PSPH: variants seen among roughly 807,000 people sequenced by gnomAD.
The protein encoded by PSPH is phosphoserine phosphatase, also known as L-3-phosphoserine phosphatase.
A neutral mutation model predicts 23.4 loss-of-function variants in PSPH; 16 were observed. That is an observed-to-expected ratio of 0.68 (90% confidence interval 0.46 to 1.04). The LOEUF (loss-of-function observed/expected upper bound fraction) is 1.04, where lower values mean the gene tolerates loss of function less well. PSPH is among the 50% of genes least tolerant of loss of function. The pLI, the probability that PSPH is intolerant of heterozygous loss-of-function variation, is 0.00. For synonymous variants in PSPH, 68 were observed against 99.7 expected (o/e 0.68, Z 1.89); for missense variants, 223 against 273.7 (o/e 0.81, Z 1.31).
intron 2 of PSPH, 145 bp downstream of exon 2, chr7:56,033,816 G>C (rs1791360145): frequency 6.6e-6 from 1 of 152,162 alleles, no homozygotes; most frequent in Non-Finnish European, 1.5e-5. Context: ...ATAAATCAAT[G>C]AAAAGAAAGC....
intron 3 of PSPH, among the ~76,000 whole-genome samples, chr7:56,029,382 C>T (rs537445580): frequency 1.3e-5 from 2 of 151,626 alleles, no homozygotes; most frequent in South Asian, 2.1e-4. Context: ...TTCTCAGACA[C>T]AGCAGCTCCC....
In PSPH at chr7:56,020,885, A is replaced by G. The variant is rs183507275; in HGVS notation, c.140+188T>C. Among the ~76,000 whole-genome samples, 7 of 152,368 alleles carry G rather than the reference A, an allele frequency of 4.6e-5. No individual in the cohort carries two copies. In the East Asian group the frequency reaches 1.3e-3, roughly 29 times the overall value. On this transcript the variant is annotated intron_variant, in intron 4 of 7. Coordinates refer to ENST00000275605, the MANE Select transcript of PSPH (RefSeq NM_004577.4). ...GTCATTCCCCGATCAAGCTAAGAAC[A>G]TGTCTTATCCATGTTTGTTTGCCAT...
chr7:56,012,460 C>T (rs1286792901), intron 7 of PSPH, among the ~76,000 whole-genome samples: 7 of 152,170 alleles, frequency 4.6e-5, no homozygotes, highest in Middle Eastern at 3.4e-3. Context: ...GGATCACAGG[C>T]GTGAGCCACC....
chr7:56,026,063 A>G (rs544811367), intron 3 of PSPH, among the ~76,000 whole-genome samples: 136 of 152,210 alleles, frequency 8.9e-4, no homozygotes, highest in Middle Eastern at 6.8e-3. Flanking sequence ...AAATCAGTCA[A>G]TCACTCCAGT....
chr7:56,011,610 C>A lies in PSPH; in HGVS notation c.*152G>T. ...CAGTTAAAAAAAAAAAAAAAGCAAT[C>A]TTCTAGGATTCCTAACTGTAGTTTA... On this transcript the variant is annotated 3_prime_UTR_variant, in exon 8 of 8. Transcript: ENST00000275605. 9.0e-5 allele frequency: 44 copies of A among 487,754 alleles called. No individual in the cohort carries two copies. The highest frequency in any genetic ancestry group is 1.2e-4 in the Non-Finnish European group (33 of 270,034). 30.2% of individuals were successfully genotyped at this position (487,754 alleles called of 1,614,324 possible). A position where few individuals can be genotyped will look rare whatever the true frequency, so the allele number is the denominator to read the frequency against.
intron 1 of PSPH, among the ~76,000 whole-genome samples, chr7:56,043,542 C>T (rs1401065677): frequency 6.6e-6 from 1 of 151,530 alleles, no homozygotes; most frequent in East Asian, 2.0e-4. Context: ...AGAGGCTGGG[C>T]GTGGTGGCTC....
rs2116656687 is a variant in PSPH at position 56,020,595 on chromosome 7, A to C, written c.140+478T>G. 4.3e-5 allele frequency among the ~76,000 whole-genome samples: 6 copies of C among 139,362 alleles called. No homozygotes were observed. The South Asian group carries it at 1.4e-3, about 33-fold the overall frequency. 91.4% of individuals were successfully genotyped at this position (139,362 alleles called of 152,430 possible). On this transcript the variant is annotated intron_variant, in intron 4 of 7. Transcript: ENST00000275605. ...AGCTGAGATTGGGTCACTGCACTCC[A>C]GCCTGGGTGACAAAATGAGACTCCG...
chr7:56,035,775 G>A (rs1269724288), intron 1 of PSPH, among the ~76,000 whole-genome samples: 2 of 151,778 alleles, frequency 1.3e-5, no homozygotes, highest in South Asian at 2.1e-4. Flanking sequence ...GCACACTACC[G>A]TGCCCAGCTA....
rs77255193 is a variant in PSPH at position 56,029,220 on chromosome 7, T to C, written c.-20+2709A>G. 3.3e-3 allele frequency among the ~76,000 whole-genome samples: 502 copies of C among 152,244 alleles called. 9 individuals are homozygous for C. Among genetic ancestry groups the C allele is most frequent in the Admixed American group, 0.025 (379 of 15,232 alleles). ...AAAAAGTCTGCTGAGTAAGGTCAGT[T>C]GCTTCAAAGTAAATTGTGTACATTA... On this transcript the variant is annotated intron_variant, in intron 3 of 7. Coordinates refer to ENST00000275605, the MANE Select transcript of PSPH (RefSeq NM_004577.4).
At chr7:56,029,379 A>T (rs1422411729) in intron 3 of PSPH, among the ~76,000 whole-genome samples, 1 of 151,762 alleles carries the variant, frequency 6.6e-6, no homozygotes, top group Admixed American at 6.6e-5. Flanking sequence ...AGATTCTCAG[A>T]CACAGCAGCT....
At chr7:56,016,767 G>C (rs182824592) in intron 6 of PSPH, among the ~76,000 whole-genome samples, 1 of 151,786 alleles carries the variant, frequency 6.6e-6, no homozygotes, top group African/African-American at 2.4e-5. Flanking sequence ...AGCAGAGTTG[G>C]GGTTCCACCA....
At chr7:56,038,293 A>AC (rs1443366605) in intron 1 of PSPH, among the ~76,000 whole-genome samples, 10 of 23,880 alleles carry the variant, frequency 4.2e-4, no homozygotes, top group Non-Finnish European at 5.9e-4. Flanking sequence ...AAAAAATACA[A>AC]AAAAAAAAAA....
At chr7:56,032,237 A>G (rs543339000) in intron 2 of PSPH, among the ~76,000 whole-genome samples, 183 bp from the exon 3 acceptor site, 1 of 152,280 alleles carries the variant, frequency 6.6e-6, no homozygotes, top group African/African-American at 2.4e-5. Context: ...TGTAGAGTCA[A>G]CATACTCTTC....
chr7:56,019,523 A>G, intron 5 of PSPH, 77 bp downstream of exon 5: 1 of 1,581,696 alleles, frequency 6.3e-7, no homozygotes. Context: ...ACTCTAAAGG[A>G]ATAGTTAGAT....
At chr7:56,021,255 T>C in intron 3 of PSPH, 24 bp from the exon 4 acceptor site, 1 of 1,597,310 alleles carries the variant, frequency 6.3e-7, no homozygotes, top group Non-Finnish European at 8.6e-7. Context: ...GATAAATGTA[T>C]TTAAAGACAT....
chr7:56,051,238 G>A lies in PSPH; in HGVS notation c.-392C>T, dbSNP rs1245293048. 2 of 152,786 alleles carry A rather than the reference G, an allele frequency of 1.3e-5. No individual in the cohort carries two copies. Among genetic ancestry groups the A allele is most frequent in the African/African-American group, 4.8e-5 (2 of 41,442 alleles). The allele number at this position is 152,786 out of a possible 1,614,324, so 9.5% of individuals were successfully genotyped here. On this transcript the variant is annotated 5_prime_UTR_variant, in exon 1 of 8. Coordinates refer to ENST00000275605, the MANE Select transcript of PSPH (RefSeq NM_004577.4). ...GCCTCAGCAGCATCCAGAGCCCTAC[G>A]GACGGGCAGGTTCTTACGTCTCAAC...
At chr7:56,026,560 G>A (rs1458718289) in intron 3 of PSPH, among the ~76,000 whole-genome samples, 2 of 149,344 alleles carry the variant, frequency 1.3e-5, no homozygotes, top group Non-Finnish European at 3.0e-5. Context: ...CCAGGACTTT[G>A]GGCAGCCAAG....
At chr7:56,025,783 A>G (rs958928518) in intron 3 of PSPH, among the ~76,000 whole-genome samples, 5 of 151,954 alleles carry the variant, frequency 3.3e-5, no homozygotes, top group Admixed American at 1.3e-4. Flanking sequence ...GAGTAGAGAC[A>G]AGGTTTCACC....
intron 1 of PSPH, among the ~76,000 whole-genome samples, chr7:56,049,300 T>C (rs953078766): frequency 3.3e-5 from 5 of 152,014 alleles, no homozygotes; most frequent in African/African-American, 1.2e-4. Context: ...TCCCACCCCC[T>C]GACAGGTCCC....
Sources: allele counts gnomAD v4.1 joint callset (sites outside exome capture counted in the v4.1 genomes callset), GRCh38; gene constraint gnomAD v4.1.1; transcripts MANE v1.5; gene names NCBI Gene and HGNC (gene_info 2026-07-23, HGNC 2026-07-21).